The following CPQ variants were observed in gnomAD, a reference collection of about 807,000 sequenced individuals.
The protein encoded by CPQ is Ser-Met dipeptidase.
In CPQ, 37 loss-of-function variants were observed where a neutral mutation model predicts 45.7. That is an observed-to-expected ratio of 0.81 (90% CI 0.62 to 1.07). The LOEUF (loss-of-function observed/expected upper bound fraction) is 1.07, where lower values mean the gene tolerates loss of function less well. CPQ is among the 50% of genes least tolerant of loss of function. The pLI is 0.00. For synonymous variants in CPQ, 186 were observed against 205.8 expected (o/e 0.90, Z 0.82); for missense variants, 537 against 572.9 (o/e 0.94, Z 0.64).
chr8:97,135,710 C>T (rs1479339355), intron 7 of CPQ, among the ~76,000 whole-genome samples: 2 of 152,084 alleles, frequency 1.3e-5, no homozygotes, highest in South Asian at 4.1e-4. Context: ...TTGCATACCC[C>T]AGACTGTTCA....
intron 1 of CPQ, among the ~76,000 whole-genome samples, chr8:96,667,391 T>C (rs2514770): frequency 0.74 from 109,403 of 148,826 alleles, 40,626 homozygotes; most frequent in Middle Eastern, 0.83. Flanking sequence ...CACTGTCACC[T>C]GGGCTGAAGT....
At chr8:96,951,498 A>G (rs1168101605) in intron 4 of CPQ, among the ~76,000 whole-genome samples, 6 of 152,252 alleles carry the variant, frequency 3.9e-5, no homozygotes, top group East Asian at 1.9e-4. Flanking sequence ...ATTTTCACCA[A>G]TGCTACCTGG....
chr8:96,856,688 T>C (rs1466780963), intron 3 of CPQ, among the ~76,000 whole-genome samples: 1 of 152,146 alleles, frequency 6.6e-6, no homozygotes, highest in Non-Finnish European at 1.5e-5. Context: ...AGATGACCCA[T>C]ACGATCATGG....
intron 1 of CPQ, among the ~76,000 whole-genome samples, chr8:96,740,791 T>C (rs1191337900): frequency 1.8e-4 from 27 of 152,280 alleles, no homozygotes; most frequent in East Asian, 3.9e-4. Context: ...ATTGAACCAG[T>C]CTTGCATCCC....
intron 5 of CPQ, among the ~76,000 whole-genome samples, chr8:97,019,456 A>G (rs901212784): frequency 3.3e-5 from 5 of 152,222 alleles, no homozygotes; most frequent in African/African-American, 1.2e-4. Context: ...ATAAGAATTC[A>G]CCAACCATCT....
At chr8:97,035,678 CTTTT>C (rs1809989310) in intron 6 of CPQ, among the ~76,000 whole-genome samples, 3 of 142,300 alleles carry the variant, frequency 2.1e-5, no homozygotes, top group Non-Finnish European at 3.1e-5. Flanking sequence ...TGCCTTAAGA[CTTTT>C]TGTTTGTTTG....
At chr8:97,064,232 T>A (rs369956946) in intron 6 of CPQ, among the ~76,000 whole-genome samples, 12 of 152,246 alleles carry the variant, frequency 7.9e-5, no homozygotes, top group African/African-American at 2.9e-4. Flanking sequence ...GCAAGATATA[T>A]TGTGAATGTT....
chr8:96,785,217 C>T lies in CPQ; in HGVS notation c.320C>T (p.Pro107Leu). The T allele has an allele frequency of 6.2e-7, 1 of 1,613,532 alleles. No individual in the cohort carries two copies. Among genetic ancestry groups the T allele is most frequent in the Non-Finnish European group, 8.5e-7 (1 of 1,179,760 alleles). Residue 107 changes from proline (P) to leucine (L), a missense_variant, in exon 2 of 8, where the codon CCA (proline) becomes CTA (leucine). Pro to Leu is a moderately conservative substitution (Grantham distance 98). Transcript: ENST00000220763. Reference protein sequence around the residue: ...QDGLEKVHLEPVRIPHWERGE... With the variant: ...QDGLEKVHLELVRIPHWERGE... ...GGGCTGGAGAAAGTTCACCTGGAGC[C>T]AGTGAGAATACCCCACTGGGAGAGG...
At chr8:96,889,762 G>A (rs995031471) in intron 4 of CPQ, among the ~76,000 whole-genome samples, 3 of 152,154 alleles carry the variant, frequency 2.0e-5, no homozygotes, top group Admixed American at 6.5e-5. Context: ...TCTGATATTC[G>A]AGGGCAGGAA....
chr8:96,748,386 C>T (rs192880572), intron 1 of CPQ, among the ~76,000 whole-genome samples: 1 of 152,212 alleles, frequency 6.6e-6, no homozygotes, highest in African/African-American at 2.4e-5. Context: ...AGCCAGGAAT[C>T]CTTTAATTCT....
intron 2 of CPQ, among the ~76,000 whole-genome samples, chr8:96,823,130 A>G (rs1344454170): frequency 1.3e-5 from 2 of 151,900 alleles, no homozygotes; most frequent in Non-Finnish European, 2.9e-5. Context: ...TTTAAGTAAC[A>G]TGGCCACATC....
intron 7 of CPQ, among the ~76,000 whole-genome samples, chr8:97,073,254 C>A (rs1810783952): frequency 1.3e-5 from 2 of 152,208 alleles, no homozygotes; most frequent in African/African-American, 4.8e-5. Context: ...TTAAAACTTT[C>A]CATTTCTACA....
At chr8:96,826,948 A>G (rs897820355) in intron 2 of CPQ, among the ~76,000 whole-genome samples, 1 of 152,062 alleles carries the variant, frequency 6.6e-6, no homozygotes, top group Non-Finnish European at 1.5e-5. Flanking sequence ...GACCCTGCAA[A>G]GGACATGATC....
intron 2 of CPQ, among the ~76,000 whole-genome samples, chr8:96,833,909 A>C (rs978534662): frequency 1.3e-5 from 2 of 152,228 alleles, no homozygotes; most frequent in Admixed American, 6.5e-5. Flanking sequence ...GTAACAGTTA[A>C]CATTTGTTAA....
At chr8:96,829,742 C>T (rs1171699057) in intron 2 of CPQ, among the ~76,000 whole-genome samples, 2 of 152,050 alleles carry the variant, frequency 1.3e-5, no homozygotes, top group Non-Finnish European at 2.9e-5. Flanking sequence ...GATTTATGTT[C>T]TCTCATGAAA....
At chr8:96,839,013 A>AT (rs1563509942) in intron 3 of CPQ, among the ~76,000 whole-genome samples, 1 of 152,038 alleles carries the variant, frequency 6.6e-6, no homozygotes, top group Non-Finnish European at 1.5e-5. Flanking sequence ...TCTGAAAAGC[A>AT]TTTCACCTCT....
At chr8:96,833,737 G>A (rs986458023) in intron 2 of CPQ, among the ~76,000 whole-genome samples, 1 of 152,056 alleles carries the variant, frequency 6.6e-6, no homozygotes, top group Non-Finnish European at 1.5e-5. Flanking sequence ...GTTGGTGAAG[G>A]CATACCTATA....
intron 5 of CPQ, among the ~76,000 whole-genome samples, chr8:96,972,563 T>C (rs1304113387): frequency 1.3e-5 from 2 of 152,204 alleles, no homozygotes; most frequent in Non-Finnish European, 1.5e-5. Flanking sequence ...ACCTCCTGGC[T>C]GGAGGCCAAC....
intron 4 of CPQ, among the ~76,000 whole-genome samples, chr8:96,959,891 C>CAAAAAAAAAA (rs540520742): frequency 1.9e-4 from 15 of 80,526 alleles, no homozygotes; most frequent in Non-Finnish European, 2.3e-4. Context: ...ATCACAAAAG[C>CAAAAAAAAAA]AAAAAAAAAA....
Sources: allele counts gnomAD v4.1 joint callset (sites outside exome capture counted in the v4.1 genomes callset), GRCh38; gene constraint gnomAD v4.1.1; transcripts MANE v1.5; gene names NCBI Gene and HGNC (gene_info 2026-07-23, HGNC 2026-07-21).